The following ATP8A2 variants were observed in gnomAD, a reference collection of about 807,000 sequenced individuals.
The protein encoded by ATP8A2 is ATPase phospholipid transporting 8A2.
In ATP8A2, 100 loss-of-function variants were observed where a neutral mutation model predicts 165.6. The observed-to-expected ratio is 0.60, with a 90% confidence interval of 0.51 to 0.71. The LOEUF (loss-of-function observed/expected upper bound fraction) is 0.71. ATP8A2 is among the 30% of genes least tolerant of loss of function. The probability of loss-of-function intolerance (pLI) is 0.00; values close to 1 mark genes in which losing one functional copy is unlikely to be tolerated. For synonymous variants in ATP8A2, 543 were observed against 548.8 expected (o/e 0.99, Z 0.15); for missense variants, 1,227 against 1,479.5 (o/e 0.83, Z 2.80).
chr13:25,947,589 T>G (rs1216366237), intron 33 of ATP8A2, among the ~76,000 whole-genome samples: 4 of 152,122 alleles, frequency 2.6e-5, no homozygotes, highest in African/African-American at 9.7e-5. Flanking sequence ...CATTCAGTGA[T>G]AAGGAGAAGA....
At chr13:25,830,751 G>T (rs1371067170) in intron 28 of ATP8A2, among the ~76,000 whole-genome samples, 1 of 152,048 alleles carries the variant, frequency 6.6e-6, no homozygotes, top group Admixed American at 6.5e-5. Context: ...ATACTTGTAC[G>T]CATGCACACA....
intron 34 of ATP8A2, among the ~76,000 whole-genome samples, chr13:25,963,297 G>C (rs1267518036): frequency 6.6e-6 from 1 of 151,758 alleles, no homozygotes; most frequent in Non-Finnish European, 1.5e-5. Flanking sequence ...GGGAGGCTGA[G>C]GCAGGAGAAT....
intron 2 of ATP8A2, among the ~76,000 whole-genome samples, chr13:25,475,063 A>G (rs2035955112): frequency 1.3e-5 from 2 of 151,814 alleles, no homozygotes; most frequent in South Asian, 4.2e-4. Context: ...CAGGTGATCC[A>G]CCCGCCTTGG....
intron 35 of ATP8A2, among the ~76,000 whole-genome samples, chr13:25,986,497 A>G (rs758033128): frequency 6.6e-6 from 1 of 152,194 alleles, no homozygotes; most frequent in African/African-American, 2.4e-5. Flanking sequence ...ACCTAATGTG[A>G]AGTCTTCCAG....
intron 2 of ATP8A2, among the ~76,000 whole-genome samples, chr13:25,480,489 G>A (rs1482563519): frequency 2.0e-5 from 3 of 150,638 alleles, no homozygotes; most frequent in African/African-American, 4.9e-5. Context: ...GGTCGCGGCC[G>A]GGCAGAGGCG....
At position 26,000,859 on chromosome 13, in the gene ATP8A2, T is replaced by C. The variant is rs564962747; in HGVS notation, c.3378-11672T>C. 2.0e-5 allele frequency among the ~76,000 whole-genome samples: 3 copies of C among 152,280 alleles called. 1 individual carries two copies. Among genetic ancestry groups the C allele is most frequent in the Admixed American group, 2.0e-4 (3 of 15,304 alleles). Reference sequence around the variant, plus strand: ...CACCTTTTTTTAATTCAATTTTCTTTCTCAAAAAAATGTGATAAAATGCAC... The same window carrying C: ...CACCTTTTTTTAATTCAATTTTCTTCCTCAAAAAAATGTGATAAAATGCAC... On this transcript the variant is annotated intron_variant, in intron 35 of 36. Transcript: ENST00000381655.
In ATP8A2 at chr13:25,433,214, A is replaced by G. The variant is rs17082292; in HGVS notation, c.77-35763A>G. Among the ~76,000 whole-genome samples the G allele has an allele frequency of 8.5e-3, 1,291 of 152,270 alleles. 21 individuals are homozygous for G. Among genetic ancestry groups the G allele is most frequent in the African/African-American group, 0.029 (1,196 of 41,542 alleles). On this transcript the variant is annotated intron_variant, in intron 1 of 36. Transcript: ENST00000381655. ...AGGAGAGAAGGAAGTGTTATGGACT[A>G]TCTCTGAAAATCGCAGTTGTGTCCT... is the stretch of plus-strand genomic sequence containing the variant.
In ATP8A2 at chr13:26,024,974, G is replaced by C. The variant is rs1345207702; in HGVS notation, c.*4989G>C. ...GCCTTTTATAGGTAAGCTCTTCCGT[G>C]TGAAAGAGAAAAGGCCGGAAAGAGG... On this transcript the variant is annotated 3_prime_UTR_variant, in exon 37 of 37. Coordinates refer to ENST00000381655, the MANE Select transcript of ATP8A2 (RefSeq NM_016529.6). 2.0e-5 allele frequency: 3 copies of C among 152,088 alleles called. No individual in the cohort carries two copies. Among genetic ancestry groups the C allele is most frequent in the African/African-American group, 7.2e-5 (3 of 41,408 alleles). 9.4% of individuals were successfully genotyped at this position (152,088 alleles called of 1,614,324 possible). A position where few individuals can be genotyped will look rare whatever the true frequency, so the allele number is the denominator to read the frequency against.
intron 27 of ATP8A2, among the ~76,000 whole-genome samples, chr13:25,814,889 G>A (rs770795331): frequency 5.3e-5 from 8 of 152,016 alleles, no homozygotes; most frequent in Non-Finnish European, 1.0e-4. Flanking sequence ...TTGTAGTGGC[G>A]CATTCCTGTA....
chr13:25,489,341 C>T (rs1285523028), intron 2 of ATP8A2, among the ~76,000 whole-genome samples: 2 of 152,166 alleles, frequency 1.3e-5, no homozygotes, highest in Non-Finnish European at 2.9e-5. Flanking sequence ...TACTCAAGTT[C>T]GTCCTCCTGG....
chr13:25,372,355 G>A lies in ATP8A2; in HGVS notation c.76+67G>A. 2 of 1,245,234 alleles carry A rather than the reference G, an allele frequency of 1.6e-6. No homozygotes were observed. The highest frequency in any genetic ancestry group is 2.1e-6 in the Non-Finnish European group (2 of 940,794). 77.1% of individuals were successfully genotyped at this position (1,245,234 alleles called of 1,614,324 possible). The stretch of plus-strand genomic sequence containing the variant: ...CGGGGGCGGCGCGGGGCGCGCCTGC[G>A]GTTATGCGACACTGCCCCGCCCGCG... On this transcript the variant is annotated intron_variant, in intron 1 of 36. Coordinates refer to ENST00000381655, the MANE Select transcript of ATP8A2 (RefSeq NM_016529.6). This position sits in a 1 kb window ranked among gnomAD's most constrained non-coding sequence, Gnocchi z 4.8.
At chr13:25,533,408 A>G (rs2038178839) in intron 6 of ATP8A2, 95 bp downstream of exon 6, 1 of 707,166 alleles carries the variant, frequency 1.4e-6, no homozygotes, top group African/African-American at 1.8e-5. Context: ...TCTGTTAGAC[A>G]CAGTAGAGTT....
intron 2 of ATP8A2, 91 bp from the exon 3 acceptor site, chr13:25,529,908 A>G: frequency 1.4e-6 from 1 of 708,452 alleles, no homozygotes; most frequent in Non-Finnish European, 2.3e-6. Flanking sequence ...TTTTTAAACC[A>G]TTTGTAAAAC....
chr13:25,864,587 C>T (rs148946932), intron 33 of ATP8A2, among the ~76,000 whole-genome samples: 2 of 152,272 alleles, frequency 1.3e-5, no homozygotes, highest in East Asian at 1.9e-4. Flanking sequence ...TTCTACCATC[C>T]GAAAGCAAAG....
intron 25 of ATP8A2, among the ~76,000 whole-genome samples, chr13:25,709,096 T>G (rs1420877815): frequency 1.3e-5 from 2 of 152,262 alleles, no homozygotes; most frequent in East Asian, 1.9e-4. Context: ...CTGACAGGCC[T>G]GTAAGTGAGA....
intron 1 of ATP8A2, among the ~76,000 whole-genome samples, chr13:25,386,822 C>T (rs1248962962): frequency 6.6e-6 from 1 of 152,040 alleles, no homozygotes; most frequent in Non-Finnish European, 1.5e-5. Context: ...ACGGTGAAAC[C>T]CCGTCTCTAC....
chr13:25,673,564 T>C (rs2042310054), intron 24 of ATP8A2, among the ~76,000 whole-genome samples: 1 of 152,242 alleles, frequency 6.6e-6, no homozygotes, highest in African/African-American at 2.4e-5. Context: ...AATTTCATGA[T>C]GTTTTACAAA....
chr13:25,439,920 A>G (rs1036912514), intron 1 of ATP8A2, among the ~76,000 whole-genome samples: 2 of 149,368 alleles, frequency 1.3e-5, no homozygotes, highest in Middle Eastern at 6.9e-3. Context: ...AAAAAAAAAA[A>G]TTAAAAGTTA....
At chr13:25,964,091 C>A (rs61947399) in intron 34 of ATP8A2, among the ~76,000 whole-genome samples, 1 of 152,210 alleles carries the variant, frequency 6.6e-6, no homozygotes, top group African/African-American at 2.4e-5. Context: ...CACCCAGCAC[C>A]TGGCACCACG....
Sources: gnomAD v4.1 joint callset for allele counts (sites outside exome capture counted in the v4.1 genomes callset) on GRCh38, gnomAD v4.1.1 for gene constraint, Gnocchi (gnomAD v3.1) non-coding constraint, MANE v1.5 for transcripts, NCBI Gene and HGNC (gene_info 2026-07-23, HGNC 2026-07-21) for gene names.